The following GIGYF2 variants were observed in gnomAD, a reference collection of about 807,000 sequenced individuals.
GIGYF2 encodes GRB10 interacting GYF protein 2, also known as GRB10-interacting GYF protein 2.
Under a neutral mutation model 208.1 loss-of-function variants are expected in GIGYF2, and 25 were observed. That is an observed-to-expected ratio of 0.12 (90% confidence interval 0.09 to 0.17). The LOEUF (loss-of-function observed/expected upper bound fraction) is 0.17. GIGYF2 is among the 10% of genes least tolerant of loss of function. The pLI is 1.00. For synonymous variants in GIGYF2, 534 were observed against 543.8 expected (o/e 0.98, Z 0.25); for missense variants, 1,302 against 1,579.4 (o/e 0.82, Z 2.98).
intron 21 of GIGYF2, among the ~76,000 whole-genome samples, chr2:232,831,126 T>G (rs1281908028): frequency 6.6e-6 from 1 of 152,194 alleles, no homozygotes; most frequent in Non-Finnish European, 1.5e-5. Flanking sequence ...GGACTGCTGA[T>G]GTAGACCTTG....
rs375562473 is a variant in GIGYF2 at position 232,773,509 on chromosome 2, A to C, written c.532+12073A>C. ...TACAGGAAGCGTTTGGTGAAATAAC[A>C]GTCTTTCCAAAAATGATTGATATTG... On this transcript the variant is annotated intron_variant, in intron 8 of 28. Coordinates refer to ENST00000373563, the MANE Select transcript of GIGYF2 (RefSeq NM_001103146.3). Among the ~76,000 whole-genome samples, 11 of 152,246 alleles carry C rather than the reference A, an allele frequency of 7.2e-5. 1 individual carries two copies. The highest frequency in any genetic ancestry group is 2.6e-4 in the African/African-American group (11 of 41,540).
Position 232,849,067 on chromosome 2 carries a change from T to C in GIGYF2, c.3685-1195T>C, listed in dbSNP as rs551733650. ...TCACTTACGATGAGGATGTGGAAGA[T>C]ACAGAGAAGTACAAGGCATTTAACA... On this transcript the variant is annotated intron_variant, in intron 27 of 28. Transcript: ENST00000373563. 9.5e-4 allele frequency among the ~76,000 whole-genome samples: 144 copies of C among 152,294 alleles called. 1 individual carries two copies. Among genetic ancestry groups the C allele is most frequent in the Non-Finnish European group, 2.0e-3 (137 of 68,026 alleles).
chr2:232,759,598 A>G (rs777382697), intron 6 of GIGYF2, among the ~76,000 whole-genome samples: 1 of 152,122 alleles, frequency 6.6e-6, no homozygotes, highest in African/African-American at 2.4e-5. Context: ...GTCCGTGCTT[A>G]ATCTGCTGTG....
chr2:232,776,781 T>C (rs1038311279), intron 8 of GIGYF2: 13 of 305,094 alleles, frequency 4.3e-5, no homozygotes, highest in Non-Finnish European at 6.7e-5. Flanking sequence ...GTGCATTTTT[T>C]CCCTCTAATC....
intron 1 of GIGYF2, among the ~76,000 whole-genome samples, chr2:232,701,662 G>C (rs1014970366): frequency 2.6e-5 from 4 of 151,832 alleles, no homozygotes; most frequent in African/African-American, 9.7e-5. Flanking sequence ...GGTCTCAAGT[G>C]ATACTCCCGC....
rs1447099638 is a variant in GIGYF2 at position 232,859,669 on chromosome 2, G to A, written c.*2809G>A. 6.6e-6 allele frequency: 1 copy of A among 152,218 alleles called. No homozygotes were observed. The highest frequency in any genetic ancestry group is 1.5e-5 in the Non-Finnish European group (1 of 68,094). 9.4% of individuals were successfully genotyped at this position (152,218 alleles called of 1,614,324 possible). A position where few individuals can be genotyped will look rare whatever the true frequency, so the allele number is the denominator to read the frequency against. On this transcript the variant is annotated 3_prime_UTR_variant, in exon 29 of 29. Coordinates refer to ENST00000373563, the MANE Select transcript of GIGYF2 (RefSeq NM_001103146.3). ...TTTGGTTGTGGTCAGATGTCTTCCA[G>A]GGCATCATTCCTATGAAGGCTTAAT...
At chr2:232,731,470 ATGG>A (rs1309176367) in intron 2 of GIGYF2, among the ~76,000 whole-genome samples, 2 of 152,216 alleles carry the variant, frequency 1.3e-5, no homozygotes, top group African/African-American at 4.8e-5. Context: ...GGGGCTTAAA[ATGG>A]TGGTAAAACC....
intron 2 of GIGYF2, among the ~76,000 whole-genome samples, chr2:232,710,962 A>G (rs1359513346): frequency 2.0e-5 from 3 of 151,360 alleles, no homozygotes; most frequent in African/African-American, 7.3e-5. Flanking sequence ...CAGCCTCCCA[A>G]AGTGTTGGGA....
At chr2:232,703,685 A>T (rs980718469) in intron 2 of GIGYF2, among the ~76,000 whole-genome samples, 196 bp downstream of exon 2, 1 of 152,168 alleles carries the variant, frequency 6.6e-6, no homozygotes, top group African/African-American at 2.4e-5. Context: ...CCTGGTGTGA[A>T]TTTGTGTCTT....
chr2:232,818,301 A>G (rs1264894459), intron 20 of GIGYF2, among the ~76,000 whole-genome samples: 1 of 152,240 alleles, frequency 6.6e-6, no homozygotes, highest in Non-Finnish European at 1.5e-5. Context: ...CTCTACACGT[A>G]TATTTGCTTT....
intron 8 of GIGYF2, among the ~76,000 whole-genome samples, chr2:232,769,325 G>A (rs1001462459): frequency 6.6e-6 from 1 of 151,962 alleles, no homozygotes; most frequent in Non-Finnish European, 1.5e-5. Context: ...GAGGTCAGGA[G>A]TTTGAGACCA....
rs1697357315 is a variant in GIGYF2 at position 232,729,564 on chromosome 2, A to G, written c.-43-5591A>G. Reference sequence around the variant, plus strand: ...GCAGCCACATCCATGGACTGCACATAGTCTTCAAAAGCAGTGATCTGCTTC... The same window carrying G: ...GCAGCCACATCCATGGACTGCACATGGTCTTCAAAAGCAGTGATCTGCTTC... On this transcript the variant is annotated intron_variant, in intron 2 of 28. Coordinates refer to ENST00000373563, the MANE Select transcript of GIGYF2 (RefSeq NM_001103146.3). 8 of 1,405,140 alleles carry G rather than the reference A, an allele frequency of 5.7e-6. No individual in the cohort carries two copies. In the South Asian group the frequency reaches 9.8e-5, roughly 17 times the overall value. 87.0% of individuals were successfully genotyped at this position (1,405,140 alleles called of 1,614,324 possible).
At chr2:232,719,815 T>C (rs1187430770) in intron 2 of GIGYF2, among the ~76,000 whole-genome samples, 3 of 152,340 alleles carry the variant, frequency 2.0e-5, no homozygotes, top group Non-Finnish European at 2.9e-5. Flanking sequence ...ATTGGTATTA[T>C]TGCATAAGGA....
At chr2:232,708,304 C>T (rs532695450) in intron 2 of GIGYF2, among the ~76,000 whole-genome samples, 1 of 152,246 alleles carries the variant, frequency 6.6e-6, no homozygotes, top group South Asian at 2.1e-4. Flanking sequence ...ATTATAAGAA[C>T]ATACACTCTT....
intron 15 of GIGYF2, among the ~76,000 whole-genome samples, chr2:232,807,673 C>T (rs1700598760): frequency 6.6e-6 from 1 of 152,158 alleles, no homozygotes; most frequent in African/African-American, 2.4e-5. Context: ...TCACCTGTAC[C>T]TCATTTTTTC....
chr2:232,844,250 A>G lies in GIGYF2; in HGVS notation c.3094A>G (p.Asn1032Asp), dbSNP rs555573233. The G allele has an allele frequency of 6.3e-7, 1 of 1,582,626 alleles. No homozygotes were observed. The highest frequency in any genetic ancestry group is 1.1e-5 in the South Asian group (1 of 88,198). Residue 1032 changes from asparagine (N) to aspartate (D), a missense_variant, in exon 24 of 29, where the codon AAT (asparagine) becomes GAT (aspartate). Physicochemically the swap from Asn to Asp is conservative, Grantham distance 23. Transcript: ENST00000373563. Reference protein sequence around the residue: ...QHQQPNRARNNTHSNLHTSIG... With the variant: ...QHQQPNRARNDTHSNLHTSIG... The stretch of plus-strand genomic sequence containing the variant: ...CCAGCAACCAAACAGAGCTCGTAAC[A>G]ATACGGTGTGTGCATTTTCCTAAGC...
At chr2:232,744,012 AT>A (rs955654119) in intron 3 of GIGYF2, among the ~76,000 whole-genome samples, 2 of 151,854 alleles carry the variant, frequency 1.3e-5, no homozygotes, top group Admixed American at 1.3e-4. Flanking sequence ...TGCTCTGCTA[AT>A]TTTTTTTATT....
chr2:232,756,348 T>A lies in GIGYF2; in HGVS notation c.379+14T>A. 2 of 1,357,214 alleles carry A rather than the reference T, an allele frequency of 1.5e-6. No individual in the cohort carries two copies. The highest frequency in any genetic ancestry group is 2.0e-6 in the Non-Finnish European group (2 of 977,772). 84.1% of individuals were successfully genotyped at this position (1,357,214 alleles called of 1,614,324 possible). A position where few individuals can be genotyped will look rare whatever the true frequency, so the allele number is the denominator to read the frequency against. On this transcript the variant is annotated intron_variant, in intron 6 of 28. Coordinates refer to ENST00000373563, the MANE Select transcript of GIGYF2 (RefSeq NM_001103146.3). Reference sequence around the variant, plus strand: ...CAAGAGGGCGAGGTGAGCTTTCATATGAAAAAAGTAATAATGGAGGAGGAG... The same window carrying A: ...CAAGAGGGCGAGGTGAGCTTTCATAAGAAAAAAGTAATAATGGAGGAGGAG...
intron 2 of GIGYF2, among the ~76,000 whole-genome samples, chr2:232,722,364 G>A (rs1235096677): frequency 2.0e-5 from 3 of 152,110 alleles, no homozygotes; most frequent in Admixed American, 6.5e-5. Context: ...CAACCGAAGC[G>A]GGAAGAGCCC....
Sources: gnomAD v4.1 joint callset for allele counts (sites outside exome capture counted in the v4.1 genomes callset) on GRCh38, gnomAD v4.1.1 for gene constraint, MANE v1.5 for transcripts, NCBI Gene and HGNC (gene_info 2026-07-23, HGNC 2026-07-21) for gene names.